Variants in ZNF362 observed in about 807,000 individuals in gnomAD.
ZNF362 encodes rotund homolog.
ZNF362 carries 11 observed loss-of-function variants against 42.9 expected under a neutral mutation model. That is an observed-to-expected ratio of 0.26 (90% confidence interval 0.16 to 0.42). ZNF362 has a LOEUF of 0.42. ZNF362 is among the 20% of genes least tolerant of loss of function. ZNF362 has a pLI of 1.00. For synonymous variants in ZNF362, 255 were observed against 257.3 expected (o/e 0.99, Z 0.09); for missense variants, 362 against 576.2 (o/e 0.63, Z 3.81).
At chr1:33,195,630 A>C in the ZNF362 span, 1 of 95,502 alleles carries the variant, frequency 1.0e-5, no homozygotes, top group African/African-American at 3.3e-5. Context: ...TTGTGTTTAA[A>C]CATATCTAAA....
rs60197226 is a variant in ZNF362, at chr1:33,288,743, CAA to C, written c.909-6176_909-6175del. ...TCGGCGATAGAGCGAGACTCTGTCT[CAA>C]AAAAAAAAAAAAAAAAAGAAGCGTG... On this transcript the variant is annotated intron_variant, in intron 6 of 8. Coordinates refer to ENST00000539719, the MANE Select transcript of ZNF362 (RefSeq NM_152493.3). Among the ~76,000 whole-genome samples, 16 of 27,356 alleles carry C rather than the reference CAA, an allele frequency of 5.8e-4. 2 individuals are homozygous for C. The highest frequency in any genetic ancestry group is 1.1e-3 in the African/African-American group (8 of 7,586). 17.9% of individuals were successfully genotyped at this position (27,356 alleles called of 152,430 possible). A position where few individuals can be genotyped will look rare whatever the true frequency, so the allele number is the denominator to read the frequency against.
At chr1:33,204,818 G>A in the ZNF362 span, among the ~76,000 whole-genome samples, 1 of 152,090 alleles carries the variant, frequency 6.6e-6, no homozygotes, top group South Asian at 2.1e-4. Flanking sequence ...GTTTGGTAAG[G>A]CTTCAGGATA....
At chr1:33,140,027 C>T in the ZNF362 span, among the ~76,000 whole-genome samples, 7 of 152,124 alleles carry the variant, frequency 4.6e-5, no homozygotes, top group South Asian at 2.1e-4. The surrounding 1 kb of genome is among the most constrained non-coding windows in gnomAD (Gnocchi z 4.0). Context: ...TGAGGAACAC[C>T]GGAGGGTAAA....
intron 2 of ZNF362, among the ~76,000 whole-genome samples, chr1:33,275,615 CCT>C (rs1431872114): frequency 6.6e-6 from 1 of 152,328 alleles, no homozygotes; most frequent in Middle Eastern, 3.4e-3. Flanking sequence ...CATGTTGCCC[CCT>C]GATTTTGAGA....
At chr1:33,256,418 C>T (rs1428547626), upstream of ZNF362, 1 of 143,360 alleles carries the variant, frequency 7.0e-6, no homozygotes, top group South Asian at 2.1e-4. Context: ...GCCGAGCGCA[C>T]TGGGGGCCGC....
chr1:33,295,305 G>A lies in ZNF362; in HGVS notation c.1146G>A (p.Ser382=), dbSNP rs1161653913. ...GCATGTGTGGGCGGGCCTACACCTC[G>A]GTGAGTGCCGGTCGGCCTGTGCCCT... ...CCSMCGRAYT[S]ETYLMKHMSK... is the part of the protein sequence containing the mutation. Residue 382 remains serine (S), a splice_region_variant and synonymous_variant, in exon 8 of 9, where the codon TCG becomes TCA. Transcript: ENST00000539719. 1.9e-6 allele frequency: 3 copies of A among 1,613,576 alleles called. No homozygotes were observed. Among genetic ancestry groups the A allele is most frequent in the Admixed American group, 1.7e-5 (1 of 59,964 alleles).
chr1:33,282,340 A>G (rs1450850658), intron 6 of ZNF362, among the ~76,000 whole-genome samples: 2 of 152,260 alleles, frequency 1.3e-5, no homozygotes, highest in Non-Finnish European at 2.9e-5. Flanking sequence ...AATAAATATA[A>G]CTGGTTTTTA....
the ZNF362 span, among the ~76,000 whole-genome samples, chr1:33,219,009 G>A: frequency 6.8e-6 from 1 of 147,144 alleles, no homozygotes; most frequent in Admixed American, 6.8e-5. Flanking sequence ...CCCCGCAAGA[G>A]ACTTCCTTCC....
At chr1:33,181,431 A>T in the ZNF362 span, 1 of 1,593,864 alleles carries the variant, frequency 6.3e-7, no homozygotes, top group Non-Finnish European at 8.5e-7. This position sits in a 1 kb window ranked among gnomAD's most constrained non-coding sequence, Gnocchi z 6.5. Context: ...GCTGCACGCC[A>T]TGGCGCCAGG....
At chr1:33,230,672 G>A in the ZNF362 span, among the ~76,000 whole-genome samples, 1 of 152,244 alleles carries the variant, frequency 6.6e-6, no homozygotes, top group African/African-American at 2.4e-5. Flanking sequence ...GCATCCTGCG[G>A]CTTGTGATTG....
At chr1:33,137,164 A>T in the ZNF362 span, among the ~76,000 whole-genome samples, 1 of 152,052 alleles carries the variant, frequency 6.6e-6, no homozygotes, top group African/African-American at 2.4e-5. Context: ...TAACTGTAGC[A>T]AGGGAAGAAT....
At chr1:33,166,909 G>C in the ZNF362 span, among the ~76,000 whole-genome samples, 1 of 152,020 alleles carries the variant, frequency 6.6e-6, no homozygotes, top group Non-Finnish European at 1.5e-5. Flanking sequence ...CATTAATTTT[G>C]ATTTAAGAAA....
chr1:33,269,792 A>G (rs574050528), intron 1 of ZNF362, among the ~76,000 whole-genome samples: 2 of 152,314 alleles, frequency 1.3e-5, no homozygotes, highest in South Asian at 4.1e-4. Flanking sequence ...TCTGCCTTGC[A>G]GTGGGTAAGT....
At chr1:33,198,224 C>T in the ZNF362 span, among the ~76,000 whole-genome samples, 2 of 152,136 alleles carry the variant, frequency 1.3e-5, no homozygotes, top group African/African-American at 4.8e-5. Flanking sequence ...AGAGAAAAGT[C>T]GGCCAAGTGT....
At chr1:33,213,436 A>G in the ZNF362 span, among the ~76,000 whole-genome samples, 1 of 152,216 alleles carries the variant, frequency 6.6e-6, no homozygotes, top group South Asian at 2.1e-4. Flanking sequence ...AAAAAATCCC[A>G]GAAGAAGGGT....
At chr1:33,130,913 G>A in the ZNF362 span, among the ~76,000 whole-genome samples, 2 of 152,194 alleles carry the variant, frequency 1.3e-5, no homozygotes, top group African/African-American at 4.8e-5. Context: ...AAGACATTTG[G>A]CAATGGAGTT....
chr1:33,171,343 C>T, the ZNF362 span, among the ~76,000 whole-genome samples: 1 of 152,180 alleles, frequency 6.6e-6, no homozygotes, highest in Non-Finnish European at 1.5e-5. Flanking sequence ...ACCTAATTCT[C>T]ACAACAATCC....
the ZNF362 span, chr1:33,195,721 C>A: frequency 1.3e-5 from 2 of 151,706 alleles, no homozygotes; most frequent in African/African-American, 4.8e-5. Flanking sequence ...ACAAGTGAAG[C>A]TTGCAGGACT....
intron 6 of ZNF362, among the ~76,000 whole-genome samples, chr1:33,282,638 G>A (rs1258894840): frequency 2.0e-5 from 3 of 151,980 alleles, no homozygotes; most frequent in Non-Finnish European, 2.9e-5. Flanking sequence ...CCTGGCCAAC[G>A]TGGCGAAACC....
Sources: gnomAD v4.1 joint callset for allele counts (sites outside exome capture counted in the v4.1 genomes callset) on GRCh38, gnomAD v4.1.1 for gene constraint, Gnocchi (gnomAD v3.1) non-coding constraint, MANE v1.5 for transcripts, NCBI Gene and HGNC (gene_info 2026-07-23, HGNC 2026-07-21) for gene names.